The following SMIM43 variants were observed in gnomAD, a reference collection of about 807,000 sequenced individuals.
SMIM43 encodes Nodal Enhanced MEsendoderm Peptide.
At chr4:121,761,943 A>G (rs974214264) in intron 3 of SMIM43, 51 bp from the exon 4 acceptor site, 3 of 1,406,150 alleles carry the variant, frequency 2.1e-6, no homozygotes, top group African/African-American at 2.9e-5. Flanking sequence ...TAAAATACAA[A>G]TATTACATAA....
intron 2 of SMIM43, among the ~76,000 whole-genome samples, chr4:121,763,101 T>C (rs1024757533): frequency 1.3e-5 from 2 of 152,220 alleles, no homozygotes; most frequent in Non-Finnish European, 2.9e-5. Context: ...ATAACTCTGA[T>C]AAAGAGGTGA....
rs962476791 is a variant in SMIM43 at position 121,761,936 on chromosome 4, A to C, written c.*279-44T>G. The C allele has an allele frequency of 7.5e-6, 11 of 1,470,608 alleles. No homozygotes were observed. In the Admixed American group the frequency reaches 2.0e-4, roughly 27 times the overall value. The allele number at this position is 1,470,608 out of a possible 1,614,324, so 91.1% of individuals were successfully genotyped here. ...GATGAAATAATAACATTTGAAATAA[A>C]ATACAAATATTACATAATAGAATTA... On this transcript the variant is annotated intron_variant, in intron 3 of 5. Transcript: ENST00000643802.
Position 121,761,632 on chromosome 4 carries a change from A to G in SMIM43, c.*405T>C. The G allele has an allele frequency of 1.2e-6, 2 of 1,613,798 alleles. No individual in the cohort carries two copies. Among genetic ancestry groups the G allele is most frequent in the Non-Finnish European group, 8.5e-7 (1 of 1,179,878 alleles). ...GCCAGTGCATGGCACACTCTGGGTAAATTTTCTCTCTTATTCTGTAGAATC... is the reference window on the plus strand; with the variant it reads ...GCCAGTGCATGGCACACTCTGGGTAGATTTTCTCTCTTATTCTGTAGAATC... On this transcript the variant is annotated 3_prime_UTR_variant, in exon 5 of 6. Transcript: ENST00000643802.
rs1009998423 is a variant in SMIM43 at position 121,759,560 on chromosome 4, C to T, written c.*1414G>A. The T allele has an allele frequency of 6.6e-6, 1 of 152,206 alleles. No individual in the cohort carries two copies. 9.4% of individuals were successfully genotyped at this position (152,206 alleles called of 1,614,324 possible). ...CTAGCCACATGTGCCTATATGGTTACCATATTGGACACTGCAGATATAGAA... is the reference window on the plus strand; with the variant it reads ...CTAGCCACATGTGCCTATATGGTTATCATATTGGACACTGCAGATATAGAA... On this transcript the variant is annotated 3_prime_UTR_variant, in exon 6 of 6. Coordinates refer to ENST00000643802, the MANE Select transcript of SMIM43 (RefSeq NM_001384332.1).
intron 3 of SMIM43, among the ~76,000 whole-genome samples, chr4:121,762,292 G>A (rs1323212714): frequency 6.6e-6 from 1 of 152,114 alleles, no homozygotes; most frequent in Non-Finnish European, 1.5e-5. Flanking sequence ...CATAAAGGTG[G>A]CCAAAATTGT....
In SMIM43 at chr4:121,759,247, A is replaced by G. The variant is rs1015234237; in HGVS notation, c.*1727T>C. The stretch of plus-strand genomic sequence containing the variant: ...ATACAGGAATATGTGCAATATATAG[A>G]TGTCAAGTTAACATCTTGAATTTAA... On this transcript the variant is annotated 3_prime_UTR_variant, in exon 6 of 6. Transcript: ENST00000643802. 1.3e-5 allele frequency: 2 copies of G among 152,220 alleles called. No individual in the cohort carries two copies. The highest frequency in any genetic ancestry group is 1.3e-4 in the Admixed American group (2 of 15,290). 9.4% of individuals were successfully genotyped at this position (152,220 alleles called of 1,614,324 possible). A position where few individuals can be genotyped will look rare whatever the true frequency, so the allele number is the denominator to read the frequency against.
intron 1 of SMIM43, chr4:121,764,401 C>T (rs1286264196): frequency 6.6e-6 from 1 of 152,318 alleles, no homozygotes; most frequent in African/African-American, 2.4e-5. Flanking sequence ...ATTTAAAATA[C>T]TTTAAGTGCG....
chr4:121,760,513 A>C, intron 5 of SMIM43, 39 bp from the exon 6 acceptor site: 1 of 1,491,948 alleles, frequency 6.7e-7, no homozygotes, highest in Non-Finnish European at 8.9e-7. Flanking sequence ...CAGCCACCTT[A>C]ATTAAGCCTG....
intron 2 of SMIM43, among the ~76,000 whole-genome samples, chr4:121,763,062 C>T (rs529464003): frequency 1.3e-5 from 2 of 152,284 alleles, no homozygotes; most frequent in African/African-American, 4.8e-5. Context: ...TCAGGGAGTT[C>T]AAACTGGGAA....
rs1017505527 is a variant in SMIM43 at position 121,761,812 on chromosome 4, C to T, written c.*341+18G>A. The T allele has an allele frequency of 6.8e-6, 11 of 1,612,824 alleles. No individual in the cohort carries two copies. The highest frequency in any genetic ancestry group is 9.3e-6 in the Non-Finnish European group (11 of 1,179,318). On this transcript the variant is annotated intron_variant, in intron 4 of 5. Coordinates refer to ENST00000643802, the MANE Select transcript of SMIM43 (RefSeq NM_001384332.1). ...ATGGTTATCTTGCCAAGTAGAACTG[C>T]AGATCCATTGCACTTACAAGTTTGG...
At chr4:121,764,165 A>T (rs1346330931) in intron 1 of SMIM43, 2 of 152,194 alleles carry the variant, frequency 1.3e-5, no homozygotes, top group Admixed American at 6.5e-5. Context: ...AATGACTCTC[A>T]CTGTAACGTT....
intron 2 of SMIM43, among the ~76,000 whole-genome samples, chr4:121,763,504 A>G (rs1021860088): frequency 5.9e-5 from 9 of 152,152 alleles, no homozygotes; most frequent in African/African-American, 2.2e-4. Flanking sequence ...GGGCCGAATG[A>G]TTATTAAAAG....
At chr4:121,763,530 C>T (rs1414341097) in intron 2 of SMIM43, among the ~76,000 whole-genome samples, 2 of 152,166 alleles carry the variant, frequency 1.3e-5, no homozygotes, top group Non-Finnish European at 2.9e-5. Context: ...ACACTCCTGA[C>T]ATCTCATTCA....
upstream of SMIM43, chr4:121,765,425 A>G (rs1726306750): frequency 4.5e-6 from 1 of 220,754 alleles, no homozygotes; most frequent in Non-Finnish European, 8.8e-6. Context: ...AAGAGGTAAC[A>G]GCTCAGTCTT....
Position 121,764,810 on chromosome 4 carries a change from C to A in SMIM43, c.*97+7G>T, listed in dbSNP as rs1578481708. 5 of 395,916 alleles carry A rather than the reference C, an allele frequency of 1.3e-5. No homozygotes were observed. In the East Asian group the frequency reaches 1.8e-4, roughly 14 times the overall value. The allele number at this position is 395,916 out of a possible 1,614,324, so 24.5% of individuals were successfully genotyped here. A position where few individuals can be genotyped will look rare whatever the true frequency, so the allele number is the denominator to read the frequency against. On this transcript the variant is annotated splice_region_variant and intron_variant, in intron 1 of 5. Transcript: ENST00000643802. ...AACGGACCCGTCAGAGCCGCCGAGC[C>A]CCGCACCTGGAAGCTGGGAGGCCGC...
At chr4:121,763,642 G>C (rs1002462217) in intron 2 of SMIM43, 122 bp downstream of exon 2, 2 of 152,186 alleles carry the variant, frequency 1.3e-5, no homozygotes, top group African/African-American at 2.4e-5. Flanking sequence ...GAGTGGGAGA[G>C]TGCCCTTTCC....
In SMIM43 at chr4:121,765,086, A is replaced by C; in HGVS notation, c.20T>G (p.Leu7Trp). Residue 7 changes from leucine to tryptophan, a missense_variant, in exon 1 of 6, where the codon TTG becomes TGG. Leu to Trp is a moderately conservative substitution (Grantham distance 61). Coordinates refer to ENST00000643802, the MANE Select transcript of SMIM43 (RefSeq NM_001384332.1). MEWELN[L>W]LLYLALFFFL... ...GAAGAAGAGCGCCAGGTAGAGCAGC[A>C]AGTTGAGTTCCCACTCCATGCTGGA... 2.5e-6 allele frequency: 1 copy of C among 398,074 alleles called. No homozygotes were observed. Among genetic ancestry groups the C allele is most frequent in the Non-Finnish European group, 4.4e-6 (1 of 225,426 alleles). The allele number at this position is 398,074 out of a possible 1,614,324, so 24.7% of individuals were successfully genotyped here.
At chr4:121,765,169 G>T, upstream of SMIM43, 1 of 391,650 alleles carries the variant, frequency 2.6e-6, no homozygotes, top group South Asian at 1.3e-4. Flanking sequence ...GAGGGCGAGC[G>T]CGCCGCCCGC....
chr4:121,765,364 A>G (rs376007555), upstream of SMIM43: 30 of 294,210 alleles, frequency 1.0e-4, no homozygotes, highest in Middle Eastern at 1.9e-3. Context: ...GGTGCTCTTG[A>G]GGACGCGAGC....
Sources: gnomAD v4.1 joint callset for allele counts (sites outside exome capture counted in the v4.1 genomes callset) on GRCh38, gnomAD v4.1.1 for gene constraint, MANE v1.5 for transcripts, NCBI Gene and HGNC (gene_info 2026-07-23, HGNC 2026-07-21) for gene names.